GPC5: variants seen among roughly 807,000 people sequenced by gnomAD.
GPC5 encodes the protein glypican-5.
In GPC5, 47 loss-of-function variants were observed where a neutral mutation model predicts 53.9. The ratio of observed to expected loss-of-function variants is 0.87; its 90% CI spans 0.69 to 1.11. The LOEUF is 1.11. GPC5 is among the 50% of genes most tolerant of loss of function. The probability of loss-of-function intolerance (pLI) is 0.00; values close to 1 mark genes in which losing one functional copy is unlikely to be tolerated. For synonymous variants in GPC5, 286 were observed against 263.3 expected (o/e 1.09, Z -0.84); for missense variants, 748 against 713.1 (o/e 1.05, Z -0.56).
At chr13:92,525,351 G>A (rs554572948) in intron 7 of GPC5, among the ~76,000 whole-genome samples, 29 of 151,876 alleles carry the variant, frequency 1.9e-4, no homozygotes, top group African/African-American at 6.0e-4. Flanking sequence ...TTTGAAGTGA[G>A]CATATGAACT....
intron 7 of GPC5, among the ~76,000 whole-genome samples, chr13:92,757,721 A>G (rs1256674408): frequency 6.6e-6 from 1 of 152,242 alleles, no homozygotes; most frequent in East Asian, 1.9e-4. Flanking sequence ...GCCAAAAGAC[A>G]CATGAAAAAA....
chr13:92,755,593 A>T (rs1451014014), intron 7 of GPC5, among the ~76,000 whole-genome samples: 13 of 148,734 alleles, frequency 8.7e-5, no homozygotes, highest in African/African-American at 3.2e-4. Flanking sequence ...CAAGACTAAT[A>T]AAGAAAAAAA....
At chr13:92,216,754 C>T (rs536536058) in intron 7 of GPC5, among the ~76,000 whole-genome samples, 4 of 152,000 alleles carry the variant, frequency 2.6e-5, no homozygotes, top group South Asian at 2.1e-4. Context: ...CCAAGGTGGG[C>T]GGACCACCTG....
chr13:91,743,000 G>A (rs1201459432), intron 4 of GPC5, among the ~76,000 whole-genome samples: 1 of 152,106 alleles, frequency 6.6e-6, no homozygotes, highest in African/African-American at 2.4e-5. Flanking sequence ...TTGCCGAAGA[G>A]CTAGAAGCTT....
At chr13:92,055,431 C>T (rs1415730402) in intron 6 of GPC5, among the ~76,000 whole-genome samples, 1 of 152,152 alleles carries the variant, frequency 6.6e-6, no homozygotes, top group African/African-American at 2.4e-5. Flanking sequence ...AAATTGCTAA[C>T]AAAATTCAAG....
chr13:91,862,592 A>C (rs1218251527), intron 5 of GPC5, among the ~76,000 whole-genome samples: 1 of 152,202 alleles, frequency 6.6e-6, no homozygotes, highest in Non-Finnish European at 1.5e-5. Flanking sequence ...TTCTACAAAC[A>C]AAATTGTGTG....
chr13:91,863,286 T>C (rs1004350738), intron 5 of GPC5, among the ~76,000 whole-genome samples: 13 of 152,188 alleles, frequency 8.5e-5, no homozygotes, highest in African/African-American at 3.1e-4. Context: ...TTGATCATGG[T>C]TGTAAATACT....
At chr13:92,133,040 T>C (rs1410406753) in intron 6 of GPC5, among the ~76,000 whole-genome samples, 11 of 152,114 alleles carry the variant, frequency 7.2e-5, no homozygotes, top group Admixed American at 7.2e-4. Context: ...ACAAGATTGA[T>C]TTTCTTTTAA....
At chr13:91,480,195 C>T (rs796490818) in intron 2 of GPC5, among the ~76,000 whole-genome samples, 16 of 152,236 alleles carry the variant, frequency 1.1e-4, no homozygotes, top group African/African-American at 3.9e-4. Flanking sequence ...TTGTTTTAGG[C>T]TGTAAAATGT....
At chr13:92,180,922 T>C (rs1321205088) in intron 7 of GPC5, 1 of 154,024 alleles carries the variant, frequency 6.5e-6, no homozygotes, top group Non-Finnish European at 1.5e-5. Context: ...GAGTAGATAG[T>C]GCTTTTAAAT....
At chr13:91,962,705 GA>G (rs35162327) in intron 6 of GPC5, among the ~76,000 whole-genome samples, 1 of 151,626 alleles carries the variant, frequency 6.6e-6, no homozygotes, top group Non-Finnish European at 1.5e-5. Flanking sequence ...ATCATATTGT[GA>G]AAAAAAATGA....
At chr13:92,573,475 T>C (rs562001900) in intron 7 of GPC5, among the ~76,000 whole-genome samples, 2 of 152,284 alleles carry the variant, frequency 1.3e-5, no homozygotes, top group African/African-American at 2.4e-5. Context: ...TCCAATATGA[T>C]TTCTTAGATT....
intron 2 of GPC5, among the ~76,000 whole-genome samples, chr13:91,607,995 CA>C (rs1566548613): frequency 6.6e-6 from 1 of 152,140 alleles, no homozygotes; most frequent in Non-Finnish European, 1.5e-5. Flanking sequence ...GCATTATCCT[CA>C]AATAATATAT....
intron 7 of GPC5, among the ~76,000 whole-genome samples, chr13:92,350,150 G>A (rs1315022487): frequency 6.6e-6 from 1 of 152,118 alleles, no homozygotes; most frequent in Non-Finnish European, 1.5e-5. Flanking sequence ...TCTCTTATTA[G>A]ATGCAGAAAA....
chr13:91,671,790 A>G (rs1201274462), intron 2 of GPC5, among the ~76,000 whole-genome samples: 1 of 148,848 alleles, frequency 6.7e-6, no homozygotes, highest in East Asian at 1.9e-4. Context: ...CAAAAAAAAA[A>G]AAAAAAAAAA....
chr13:92,111,171 C>T (rs1316310043), intron 6 of GPC5, among the ~76,000 whole-genome samples: 1 of 152,172 alleles, frequency 6.6e-6, no homozygotes, highest in South Asian at 2.1e-4. Context: ...ACTAGCACTT[C>T]CTTCCTTTTC....
intron 7 of GPC5, among the ~76,000 whole-genome samples, chr13:92,148,685 TA>T (rs2041885724): frequency 6.6e-6 from 1 of 152,032 alleles, no homozygotes; most frequent in South Asian, 2.1e-4. Context: ...GCTTTGAACT[TA>T]AAAGTCGCCT....
Position 92,054,149 on chromosome 13 carries a change from GGTGTGTGTGTGTGTGTGTGT to G in GPC5, c.1402-90664_1402-90645del, listed in dbSNP as rs141324926. Among the ~76,000 whole-genome samples the G allele has an allele frequency of 1.3e-3, 187 of 146,042 alleles. 1 individual carries two copies. Among genetic ancestry groups the G allele is most frequent in the African/African-American group, 4.5e-3 (179 of 39,780 alleles). Reference sequence around the variant, plus strand: ...TAAATATAATAAATTACTTTGGAGGGGTGTGTGTGTGTGTGTGTGTGTGTGTGTGTGTGTGTAGGCTCAAA... The same window carrying G: ...TAAATATAATAAATTACTTTGGAGGGGTGTGTGTGTGTGTGTAGGCTCAAA... On this transcript the variant is annotated intron_variant, in intron 6 of 7. Transcript: ENST00000377067.
chr13:92,848,908 T>C (rs1488124523), intron 7 of GPC5, among the ~76,000 whole-genome samples: 1 of 152,200 alleles, frequency 6.6e-6, no homozygotes, highest in Non-Finnish European at 1.5e-5. Flanking sequence ...GTATGATTTT[T>C]ATTCCAGGAG....
Sources: gnomAD v4.1 joint callset for allele counts (sites outside exome capture counted in the v4.1 genomes callset) on GRCh38, gnomAD v4.1.1 for gene constraint, MANE v1.5 for transcripts, NCBI Gene and HGNC (gene_info 2026-07-23, HGNC 2026-07-21) for gene names.